The following ARL13B variants were observed in gnomAD, a reference collection of about 807,000 sequenced individuals.
ARL13B encodes the protein ADP-ribosylation factor-like protein 13B.
ARL13B carries 36 observed loss-of-function variants against 56.1 expected under a neutral mutation model. That is an observed-to-expected ratio of 0.64 (90% CI 0.49 to 0.85). ARL13B has a LOEUF of 0.85. Ranked by LOEUF, ARL13B falls within the 40% of genes least tolerant of loss-of-function variation. The pLI is 0.00. For missense variants in ARL13B, 519 were observed against 507.1 expected, an observed-to-expected ratio of 1.02 and a Z score of -0.23; for synonymous variants, 178 against 171.1, an observed-to-expected ratio of 1.04 and a Z score of -0.32.
At chr3:93,980,512 C>T (rs2107300025) in intron 1 of ARL13B, 30 bp downstream of exon 1, 1 of 1,607,156 alleles carries the variant, frequency 6.2e-7, no homozygotes, top group Admixed American at 1.7e-5. Flanking sequence ...CCTGGCCGTC[C>T]TAGGGGTTGG....
intron 1 of ARL13B, among the ~76,000 whole-genome samples, chr3:93,992,638 G>A (rs534214845): frequency 1.3e-5 from 2 of 152,208 alleles, no homozygotes; most frequent in South Asian, 2.1e-4. Flanking sequence ...AAAAGTAATC[G>A]CTTTCGTTCA....
chr3:94,002,928 G>T (rs1173235770), intron 2 of ARL13B, among the ~76,000 whole-genome samples: 1 of 152,002 alleles, frequency 6.6e-6, no homozygotes, highest in East Asian at 1.9e-4. Flanking sequence ...ACAGCTTTAA[G>T]GCCTAAATTC....
intron 7 of ARL13B, among the ~76,000 whole-genome samples, chr3:94,047,171 G>T (rs1402594490): frequency 6.6e-6 from 1 of 152,064 alleles, no homozygotes; most frequent in Non-Finnish European, 1.5e-5. Flanking sequence ...TATGAATATG[G>T]CTTTGTTATT....
intron 3 of ARL13B, among the ~76,000 whole-genome samples, chr3:94,029,334 A>ATTTTTTTTT (rs71105171): frequency 3.7e-5 from 2 of 53,438 alleles, no homozygotes; most frequent in African/African-American, 9.3e-5. Context: ...ATATATATAT[A>ATTTTTTTTT]TTTATTTTTT....
In ARL13B at chr3:94,053,307, T is replaced by C. The variant is rs1255716859; in HGVS notation, c.*44T>C. On this transcript the variant is annotated 3_prime_UTR_variant, in exon 10 of 10. Coordinates refer to ENST00000394222, the MANE Select transcript of ARL13B (RefSeq NM_001174150.2). ...TTCTCTTAATATCAGCAAGGTGAACTGGGACATTCTTCTTTCTCAGAAGAA... is the reference window on the plus strand; with the variant it reads ...TTCTCTTAATATCAGCAAGGTGAACCGGGACATTCTTCTTTCTCAGAAGAA... 1 of 1,512,130 alleles carries C rather than the reference T, an allele frequency of 6.6e-7. No individual in the cohort carries two copies. Among genetic ancestry groups the C allele is most frequent in the Non-Finnish European group, 9.2e-7 (1 of 1,089,048 alleles). The allele number at this position is 1,512,130 out of a possible 1,614,324, so 93.7% of individuals were successfully genotyped here. A position where few individuals can be genotyped will look rare whatever the true frequency, so the allele number is the denominator to read the frequency against.
chr3:94,030,853 T>TA (rs1486558442), intron 3 of ARL13B, among the ~76,000 whole-genome samples: 2 of 152,118 alleles, frequency 1.3e-5, no homozygotes, highest in African/African-American at 4.8e-5. Context: ...TTAGAAACTG[T>TA]AGTTTTCAGC....
intron 3 of ARL13B, among the ~76,000 whole-genome samples, chr3:94,031,821 G>T (rs985078517): frequency 1.6e-4 from 24 of 152,256 alleles, no homozygotes; most frequent in Admixed American, 4.6e-4. Flanking sequence ...CAATGGAAAA[G>T]AATAGAGAAC....
At chr3:94,016,571 C>T (rs1380465928) in intron 3 of ARL13B, among the ~76,000 whole-genome samples, 3 of 151,690 alleles carry the variant, frequency 2.0e-5, no homozygotes, top group Non-Finnish European at 4.4e-5. Context: ...AAAATATTTT[C>T]GTATCTACAG....
At chr3:93,996,567 G>T in intron 2 of ARL13B, 1 of 324,372 alleles carries the variant, frequency 3.1e-6, no homozygotes, top group South Asian at 2.5e-5. Flanking sequence ...TGGTAGAGAT[G>T]GGGTCTCCCT....
intron 3 of ARL13B, among the ~76,000 whole-genome samples, chr3:94,032,865 C>T (rs540933231): frequency 1.3e-5 from 2 of 152,266 alleles, no homozygotes; most frequent in South Asian, 4.1e-4. Flanking sequence ...TACTGGGTAC[C>T]TATCCAAAGG....
chr3:94,003,777 G>C lies in ARL13B; in HGVS notation c.249G>C (p.Lys83Asn). Residue 83 changes from lysine (K) to asparagine (N), a missense_variant, in exon 3 of 10, where the codon AAG (lysine) becomes AAC (asparagine). Coordinates refer to ENST00000394222, the MANE Select transcript of ARL13B (RefSeq NM_001174150.2). ...GGGIRIRGIWKNYYAESYGVI... is the reference protein window; with the variant it reads ...GGGIRIRGIWNNYYAESYGVI... ...GAATAAGAATTCGGGGAATCTGGAA[G>C]AATTACTATGCTGAATCCTATGGGG... 1 of 1,613,740 alleles carries C rather than the reference G, an allele frequency of 6.2e-7. No individual in the cohort carries two copies. The highest frequency in any genetic ancestry group is 8.5e-7 in the Non-Finnish European group (1 of 1,179,744).
At chr3:93,989,350 C>G (rs757888275) in intron 1 of ARL13B, among the ~76,000 whole-genome samples, 1 of 152,050 alleles carries the variant, frequency 6.6e-6, no homozygotes, top group Non-Finnish European at 1.5e-5. Flanking sequence ...ACATTTGATA[C>G]AGGCACTACA....
chr3:94,003,561 G>T, intron 2 of ARL13B, 98 bp from the exon 3 acceptor site: 1 of 1,348,966 alleles, frequency 7.4e-7, no homozygotes, highest in Non-Finnish European at 1.0e-6. Flanking sequence ...GTCAGTGAAT[G>T]CTAAATATTT....
chr3:94,031,263 A>G (rs2076672372), intron 3 of ARL13B, among the ~76,000 whole-genome samples: 1 of 152,196 alleles, frequency 6.6e-6, no homozygotes, highest in Non-Finnish European at 1.5e-5. Flanking sequence ...GAAAAAATCA[A>G]CACGAATACA....
intron 1 of ARL13B, among the ~76,000 whole-genome samples, 160 bp from the exon 2 acceptor site, chr3:93,995,714 A>G (rs541850997): frequency 1.1e-4 from 16 of 152,300 alleles, no homozygotes; most frequent in Non-Finnish European, 2.9e-5. Flanking sequence ...TTGCTTTTGA[A>G]TCTATATTTT....
At chr3:94,035,495 TA>T in intron 4 of ARL13B, 59 bp downstream of exon 4, 1 of 1,229,312 alleles carries the variant, frequency 8.1e-7, no homozygotes, top group Non-Finnish European at 1.2e-6. Flanking sequence ...AGGTTCAGTA[TA>T]ACTTGGTTTT....
At chr3:94,031,133 A>G (rs551426603) in intron 3 of ARL13B, among the ~76,000 whole-genome samples, 3 of 152,346 alleles carry the variant, frequency 2.0e-5, no homozygotes, top group Non-Finnish European at 4.4e-5. Context: ...TAGAGGCTGT[A>G]GTGAGCTGTT....
intron 3 of ARL13B, among the ~76,000 whole-genome samples, chr3:94,024,215 C>T (rs541525778): frequency 7.5e-4 from 114 of 152,196 alleles, no homozygotes; most frequent in African/African-American, 2.7e-3. Context: ...GGGATCCTTC[C>T]ACCTTGACTA....
Position 94,053,558 on chromosome 3 carries a change from G to A in ARL13B, c.*295G>A, listed in dbSNP as rs1347100636. On this transcript the variant is annotated 3_prime_UTR_variant, in exon 10 of 10. Coordinates refer to ENST00000394222, the MANE Select transcript of ARL13B (RefSeq NM_001174150.2). ...CCCCACTCATGAGCATACTTCTGAA[G>A]GAAAACTTTACAAAAAGAGCCAATG... The A allele has an allele frequency of 1.8e-6, 1 of 543,144 alleles. No homozygotes were observed. The highest frequency in any genetic ancestry group is 2.2e-5 in the Admixed American group (1 of 45,458). The allele number at this position is 543,144 out of a possible 1,614,324, so 33.6% of individuals were successfully genotyped here. A position where few individuals can be genotyped will look rare whatever the true frequency, so the allele number is the denominator to read the frequency against.
Sources: gnomAD v4.1 joint callset for allele counts (sites outside exome capture counted in the v4.1 genomes callset) on GRCh38, gnomAD v4.1.1 for gene constraint, MANE v1.5 for transcripts, NCBI Gene and HGNC (gene_info 2026-07-23, HGNC 2026-07-21) for gene names.